The following NBEA variants were observed in gnomAD, a reference collection of about 807,000 sequenced individuals.
The protein encoded by NBEA is lysosomal-trafficking regulator 2.
A neutral mutation model predicts 343.4 loss-of-function variants in NBEA; 44 were observed. That is an observed-to-expected ratio of 0.13 (90% confidence interval 0.10 to 0.16). The LOEUF is 0.16. Ranked by LOEUF, NBEA falls within the 10% of genes least tolerant of loss-of-function variation. NBEA has a pLI of 1.00. For synonymous variants in NBEA, 1,175 were observed against 1,238.7 expected (o/e 0.95, Z 1.08); for missense variants, 2,555 against 3,631.3 (o/e 0.70, Z 7.62).
At chr13:35,536,189 A>T (rs1225724569) in intron 41 of NBEA, among the ~76,000 whole-genome samples, 1 of 152,232 alleles carries the variant, frequency 6.6e-6, no homozygotes, top group Non-Finnish European at 1.5e-5. Flanking sequence ...TGTCACTGAA[A>T]AAGAAAAGTC....
chr13:35,203,455 C>G (rs1196129538), intron 31 of NBEA, among the ~76,000 whole-genome samples: 4 of 152,106 alleles, frequency 2.6e-5, no homozygotes, highest in African/African-American at 9.7e-5. Flanking sequence ...CTTATCTATG[C>G]TTTATTTTTC....
intron 34 of NBEA, among the ~76,000 whole-genome samples, chr13:35,260,526 AAG>A (rs1248904564): frequency 6.6e-6 from 1 of 152,218 alleles, no homozygotes; most frequent in Non-Finnish European, 1.5e-5. Flanking sequence ...TAGTACAAGA[AAG>A]GGAATTTCCA....
intron 48 of NBEA, among the ~76,000 whole-genome samples, chr13:35,619,417 C>G (rs1593384264): frequency 1.3e-5 from 2 of 152,062 alleles, no homozygotes; most frequent in South Asian, 4.1e-4. Context: ...ACCCATATGG[C>G]TCAGTGGCAG....
chr13:34,981,086 C>T lies in NBEA; in HGVS notation c.294+37972C>T, dbSNP rs185920184. ...TGCTAATTTGTAGTTATTTCCAATT[C>T]CCACCCCCAGCCTAAGGCAACTACC... On this transcript the variant is annotated intron_variant, in intron 1 of 58. Coordinates refer to ENST00000379939, the MANE Select transcript of NBEA (RefSeq NM_001385012.1). Among the ~76,000 whole-genome samples, 23 of 152,196 alleles carry T rather than the reference C, an allele frequency of 1.5e-4. No homozygotes were observed. In the East Asian group the frequency reaches 3.9e-3, roughly 26 times the overall value.
chr13:35,158,435 G>T (rs1285439108), intron 21 of NBEA, among the ~76,000 whole-genome samples: 3 of 151,754 alleles, frequency 2.0e-5, no homozygotes, highest in East Asian at 3.9e-4. Context: ...GACATTGCAG[G>T]TCTTTGTGCA....
intron 13 of NBEA, among the ~76,000 whole-genome samples, chr13:35,114,319 C>T (rs756135829): frequency 1.2e-4 from 19 of 152,026 alleles, no homozygotes; most frequent in Non-Finnish European, 2.4e-4. Flanking sequence ...TTAAATTTGC[C>T]GCTTTCTTCT....
In NBEA at chr13:35,159,255, C is replaced by A; in HGVS notation, c.3084C>A (p.Leu1028=). 6.2e-7 allele frequency: 1 copy of A among 1,613,584 alleles called. No individual in the cohort carries two copies. Among genetic ancestry groups the A allele is most frequent in the East Asian group, 2.2e-5 (1 of 44,846 alleles). The change falls in exon 22 of 59, where the codon CTC becomes CTA. Residue 1028 remains leucine (L), a synonymous_variant. Transcript: ENST00000379939. ...YPVSTDTRDL[L]MSTKVSDDIL... is the part of the protein sequence containing the mutation. ...TCAGCACAGATACTCGAGACTTACT[C>A]ATGTCAACAAAAGTGTCAGATGATA...
chr13:35,150,701 G>A (rs368502361), intron 18 of NBEA, among the ~76,000 whole-genome samples: 2 of 152,048 alleles, frequency 1.3e-5, no homozygotes, highest in South Asian at 2.1e-4. Flanking sequence ...TCTCAGCAAT[G>A]CATCAGAATA....
intron 10 of NBEA, among the ~76,000 whole-genome samples, chr13:35,087,035 G>A (rs887066001): frequency 6.6e-6 from 1 of 151,416 alleles, no homozygotes; most frequent in Non-Finnish European, 1.5e-5. Context: ...CCTTGTATGT[G>A]CTGGATATTA....
intron 1 of NBEA, among the ~76,000 whole-genome samples, chr13:35,021,852 T>C (rs566228289): frequency 6.6e-6 from 1 of 152,290 alleles, no homozygotes; most frequent in East Asian, 1.9e-4. Flanking sequence ...TTACTTTAGA[T>C]AGTTATGTTT....
intron 41 of NBEA, among the ~76,000 whole-genome samples, chr13:35,532,770 C>G (rs188249496): frequency 8.6e-4 from 131 of 152,218 alleles, no homozygotes; most frequent in African/African-American, 3.0e-3. Context: ...GCCCCTTACT[C>G]TTCAGGCCTT....
At chr13:35,164,105 C>T (rs181404054) in intron 23 of NBEA, among the ~76,000 whole-genome samples, 129 of 152,018 alleles carry the variant, frequency 8.5e-4, no homozygotes, top group African/African-American at 2.9e-3. Flanking sequence ...GTCTTAGAAT[C>T]TAGTACTGTA....
At chr13:35,016,588 A>G (rs906724029) in intron 1 of NBEA, among the ~76,000 whole-genome samples, 1 of 32,312 alleles carries the variant, frequency 3.1e-5, no homozygotes, top group African/African-American at 7.8e-5. Flanking sequence ...TTGTATGTGT[A>G]TACACACACA....
intron 48 of NBEA, among the ~76,000 whole-genome samples, chr13:35,608,762 A>T (rs543561024): frequency 6.6e-6 from 1 of 152,286 alleles, no homozygotes; most frequent in East Asian, 1.9e-4. Context: ...ATTGAACAGA[A>T]TTCTCATATG....
At chr13:35,432,121 C>T in intron 38 of NBEA, 148 bp from the exon 39 acceptor site, 1 of 434,526 alleles carries the variant, frequency 2.3e-6, no homozygotes. Context: ...TATATATATA[C>T]ACAAATACAA....
At chr13:35,333,548 A>G (rs907373468) in intron 36 of NBEA, among the ~76,000 whole-genome samples, 3 of 152,100 alleles carry the variant, frequency 2.0e-5, no homozygotes, top group Admixed American at 1.3e-4. Context: ...AAACAATACA[A>G]TTATACTTTT....
intron 40 of NBEA, among the ~76,000 whole-genome samples, chr13:35,459,577 G>GT (rs1169163019): frequency 3.3e-5 from 5 of 152,032 alleles, no homozygotes; most frequent in Non-Finnish European, 7.4e-5. Flanking sequence ...GGCAGATAAT[G>GT]TATCTTCCCT....
At chr13:35,480,584 AG>A (rs1341671975) in intron 41 of NBEA, among the ~76,000 whole-genome samples, 1 of 152,164 alleles carries the variant, frequency 6.6e-6, no homozygotes, top group Non-Finnish European at 1.5e-5. Flanking sequence ...GGAGATAAAA[AG>A]AATATGAAGT....
chr13:35,149,269 A>C lies in NBEA; in HGVS notation c.2446-6505A>C, dbSNP rs1248028912. Among the ~76,000 whole-genome samples the C allele has an allele frequency of 3.3e-5, 5 of 152,208 alleles. No individual in the cohort carries two copies. In the East Asian group the frequency reaches 7.7e-4, roughly 24 times the overall value. On this transcript the variant is annotated intron_variant, in intron 18 of 58. Coordinates refer to ENST00000379939, the MANE Select transcript of NBEA (RefSeq NM_001385012.1). ...TATAATGAGGTCATTTTCTTTCTTT[A>C]TTCTGATATTGTATTTCCCTCATCA... is the stretch of plus-strand genomic sequence containing the variant.
Sources: gnomAD v4.1 joint callset for allele counts (sites outside exome capture counted in the v4.1 genomes callset) on GRCh38, gnomAD v4.1.1 for gene constraint, MANE v1.5 for transcripts, NCBI Gene and HGNC (gene_info 2026-07-23, HGNC 2026-07-21) for gene names.